Variants in DPP6 observed in about 807,000 individuals in gnomAD.
DPP6 encodes dipeptidyl peptidase like 6, also known as A-type potassium channel modulatory protein DPP6.
DPP6 carries 69 observed loss-of-function variants against 122.6 expected under a neutral mutation model. That is an observed-to-expected ratio of 0.56 (90% CI 0.46 to 0.69). DPP6 has a LOEUF of 0.69. Among genes scored for constraint, DPP6 ranks in the 30% least tolerant of loss-of-function variants. The pLI is 0.00. For missense variants in DPP6, 928 were observed against 1,116.9 expected (o/e 0.83, Z 2.41); for synonymous variants, 418 against 433.1 (o/e 0.97, Z 0.43).
At chr7:154,851,628 C>T (rs1351593303) in intron 16 of DPP6, among the ~76,000 whole-genome samples, 7 of 152,148 alleles carry the variant, frequency 4.6e-5, no homozygotes, top group African/African-American at 7.2e-5. Flanking sequence ...ACTTTCAGAT[C>T]GCTGTTCCCT....
chr7:153,974,946 A>G (rs1026735957), intron 1 of DPP6, among the ~76,000 whole-genome samples: 3 of 152,188 alleles, frequency 2.0e-5, no homozygotes, highest in African/African-American at 7.2e-5. Context: ...AATCCTTCCT[A>G]ATGCGCTGGC....
At chr7:154,848,226 GTTT>G (rs71184040) in intron 16 of DPP6, among the ~76,000 whole-genome samples, 91,900 of 151,522 alleles carry the variant, frequency 0.61, 28,738 homozygotes, top group East Asian at 0.96. Context: ...TCTATTTTTA[GTTT>G]TTTTTTGAGG....
intron 2 of DPP6, among the ~76,000 whole-genome samples, chr7:154,468,114 A>C (rs1157381438): frequency 6.6e-6 from 1 of 152,232 alleles, no homozygotes; most frequent in Non-Finnish European, 1.5e-5. Context: ...AATATTATTC[A>C]TCTATAAAAA....
chr7:154,199,758 C>T (rs1002268996), intron 1 of DPP6, among the ~76,000 whole-genome samples: 1 of 152,036 alleles, frequency 6.6e-6, no homozygotes, highest in African/African-American at 2.4e-5. Flanking sequence ...TACAGGCACA[C>T]ACCACCATGC....
intron 1 of DPP6, among the ~76,000 whole-genome samples, chr7:154,237,477 T>C (rs553441331): frequency 5.3e-5 from 8 of 152,138 alleles, no homozygotes; most frequent in Non-Finnish European, 1.2e-4. Context: ...TGGGCCCCAA[T>C]GAGCTTAGAA....
intron 1 of DPP6, among the ~76,000 whole-genome samples, chr7:153,986,132 C>A (rs1796837185): frequency 6.6e-6 from 1 of 152,198 alleles, no homozygotes; most frequent in African/African-American, 2.4e-5. Flanking sequence ...CGACCTACAT[C>A]CCTTCTGATG....
chr7:154,147,699 A>ACACACACACACACACACAC (rs1243502441), intron 1 of DPP6, among the ~76,000 whole-genome samples: 2 of 141,098 alleles, frequency 1.4e-5, no homozygotes, highest in Admixed American at 6.8e-5. Context: ...TACACACACA[A>ACACACACACACACACACAC]ACACATACCT....
intron 1 of DPP6, among the ~76,000 whole-genome samples, chr7:154,138,307 C>T (rs2150654592): frequency 6.6e-6 from 1 of 152,298 alleles, no homozygotes; most frequent in African/African-American, 2.4e-5. Context: ...ACACTTAATT[C>T]AACTGAATGG....
chr7:154,568,836 T>C (rs1203271519), intron 5 of DPP6, among the ~76,000 whole-genome samples: 3 of 152,120 alleles, frequency 2.0e-5, no homozygotes, highest in Admixed American at 1.3e-4. Flanking sequence ...ACTATAAAAA[T>C]GATAAAATTG....
intron 1 of DPP6, among the ~76,000 whole-genome samples, chr7:153,991,151 G>A (rs1797160034): frequency 3.3e-5 from 5 of 152,138 alleles, no homozygotes; most frequent in Admixed American, 2.6e-4. Context: ...GTGGATGGAT[G>A]GGAAAGGAGG....
intron 4 of DPP6, among the ~76,000 whole-genome samples, chr7:154,560,382 CT>C (rs1334522132): frequency 6.6e-6 from 1 of 152,112 alleles, no homozygotes; most frequent in Non-Finnish European, 1.5e-5. Context: ...CATGTTAGAA[CT>C]TTCTTGGACA....
At position 154,860,163 on chromosome 7, in the gene DPP6, C is replaced by T. The variant is rs112873945; in HGVS notation, c.1714+6336C>T. Reference sequence around the variant, plus strand: ...TGCAGTTGGTTTCCAGCCTCTGTTCCTGCACCAGTGCTGCTGGGCGCACCC... The same window carrying T: ...TGCAGTTGGTTTCCAGCCTCTGTTCTTGCACCAGTGCTGCTGGGCGCACCC... On this transcript the variant is annotated intron_variant, in intron 17 of 25. Transcript: ENST00000377770. Among the ~76,000 whole-genome samples the T allele has an allele frequency of 8.6e-3, 1,312 of 152,290 alleles. 35 individuals carry two copies. Among genetic ancestry groups the T allele is most frequent in the African/African-American group, 0.03 (1,240 of 41,554 alleles).
intron 6 of DPP6, among the ~76,000 whole-genome samples, chr7:154,652,183 C>A (rs1335712174): frequency 2.6e-5 from 4 of 152,132 alleles, no homozygotes; most frequent in African/African-American, 9.7e-5. Flanking sequence ...TGGGGCAAGG[C>A]AGAGCCACTG....
chr7:153,984,289 A>T (rs1225440628), intron 1 of DPP6, among the ~76,000 whole-genome samples: 2 of 152,200 alleles, frequency 1.3e-5, no homozygotes, highest in Non-Finnish European at 2.9e-5. Flanking sequence ...ATTATGCAGT[A>T]ATTTAAAAGT....
chr7:154,837,318 CAT>C (rs1451160336), intron 16 of DPP6, among the ~76,000 whole-genome samples: 1 of 151,728 alleles, frequency 6.6e-6, no homozygotes, highest in Non-Finnish European at 1.5e-5. Context: ...CACACAAACA[CAT>C]GCACACACAT....
At chr7:154,023,027 C>G (rs1368442555) in intron 1 of DPP6, among the ~76,000 whole-genome samples, 1 of 152,058 alleles carries the variant, frequency 6.6e-6, no homozygotes, top group Non-Finnish European at 1.5e-5. Flanking sequence ...CCTGAGGTAC[C>G]CAGTACTTGT....
intron 1 of DPP6, among the ~76,000 whole-genome samples, chr7:154,152,952 C>G (rs975544726): frequency 6.6e-6 from 1 of 152,384 alleles, no homozygotes; most frequent in African/African-American, 2.4e-5. Flanking sequence ...CTTTACCTGA[C>G]AGTCCCATGG....
intron 1 of DPP6, among the ~76,000 whole-genome samples, chr7:154,060,740 C>T (rs1347732414): frequency 2.5e-4 from 33 of 133,750 alleles, no homozygotes; most frequent in Middle Eastern, 4.8e-3. Flanking sequence ...CCCCGCGAGG[C>T]AGGGACTGAG....
At chr7:154,521,802 A>C (rs1012201109) in intron 3 of DPP6, among the ~76,000 whole-genome samples, 1 of 152,170 alleles carries the variant, frequency 6.6e-6, no homozygotes, top group Admixed American at 6.5e-5. Context: ...CTCTCAGTCT[A>C]TCCACACACG....
Sources: allele counts gnomAD v4.1 joint callset (sites outside exome capture counted in the v4.1 genomes callset), GRCh38; gene constraint gnomAD v4.1.1; transcripts MANE v1.5; gene names NCBI Gene and HGNC (gene_info 2026-07-23, HGNC 2026-07-21).